MALRD1: variants seen among roughly 807,000 people sequenced by gnomAD.
The protein encoded by MALRD1 is MAM and LDL receptor class A domain containing 1.
MALRD1 carries 247 observed loss-of-function variants against 242.1 expected under a neutral mutation model. That is an observed-to-expected ratio of 1.02 (90% confidence interval 0.92 to 1.13). The LOEUF (loss-of-function observed/expected upper bound fraction) is 1.13, where lower values mean the gene tolerates loss of function less well. MALRD1 is among the 50% of genes most tolerant of loss of function. The pLI is 0.00. For synonymous variants in MALRD1, 995 were observed against 866.6 expected (o/e 1.15, Z -2.60); for missense variants, 2,989 against 2,533.1 (o/e 1.18, Z -3.86).
At chr10:19,412,461 G>C (rs1833314499) in intron 28 of MALRD1, among the ~76,000 whole-genome samples, 1 of 152,178 alleles carries the variant, frequency 6.6e-6, no homozygotes, top group African/African-American at 2.4e-5. Flanking sequence ...ATCTTGTATG[G>C]GGGCTGAAAC....
intron 29 of MALRD1, among the ~76,000 whole-genome samples, chr10:19,455,839 G>C (rs968700960): frequency 1.3e-5 from 2 of 152,192 alleles, no homozygotes; most frequent in Non-Finnish European, 2.9e-5. Context: ...GCTGAAATGT[G>C]TGCATTCCAG....
chr10:19,697,721 A>T (rs1164864611), intron 38 of MALRD1, among the ~76,000 whole-genome samples: 1 of 151,646 alleles, frequency 6.6e-6, no homozygotes, highest in Non-Finnish European at 1.5e-5. Flanking sequence ...CAGCAGAGCC[A>T]CCTCTCTTGC....
chr10:19,455,387 T>C (rs1564357618), intron 29 of MALRD1, among the ~76,000 whole-genome samples: 1 of 152,230 alleles, frequency 6.6e-6, no homozygotes, highest in African/African-American at 2.4e-5. Flanking sequence ...CTATTAATAC[T>C]AAATAGTATT....
chr10:19,549,359 T>A (rs1332120036), intron 32 of MALRD1, among the ~76,000 whole-genome samples: 1 of 152,228 alleles, frequency 6.6e-6, no homozygotes, highest in African/African-American at 2.4e-5. Flanking sequence ...TCAAATAGCA[T>A]CATTTGCTAC....
intron 36 of MALRD1, among the ~76,000 whole-genome samples, chr10:19,632,284 A>G (rs73595883): frequency 2.0e-3 from 300 of 152,286 alleles, no homozygotes; most frequent in African/African-American, 7.0e-3. Flanking sequence ...GCAAGCAGGC[A>G]AAATGTATTC....
chr10:19,407,340 G>C (rs772920731), intron 28 of MALRD1, among the ~76,000 whole-genome samples: 16 of 152,078 alleles, frequency 1.1e-4, no homozygotes, highest in Non-Finnish European at 2.2e-4. Flanking sequence ...TCAATAGCCA[G>C]ATGTGGTGGT....
intron 26 of MALRD1, among the ~76,000 whole-genome samples, chr10:19,358,194 A>ATGTGTGTGTG (rs1564591535): frequency 9.2e-6 from 1 of 109,052 alleles, no homozygotes; most frequent in African/African-American, 3.9e-5. Context: ...GGCAGGAGTC[A>ATGTGTGTGTG]AGTGTGTGTG....
chr10:19,377,591 C>G (rs4565796), intron 26 of MALRD1, among the ~76,000 whole-genome samples: 2,658 of 151,838 alleles, frequency 0.018, 78 homozygotes, highest in African/African-American at 0.061. Context: ...ACATAAAATT[C>G]TTATAAGCAT....
chr10:19,132,870 A>T (rs765478852), intron 8 of MALRD1, among the ~76,000 whole-genome samples: 2 of 152,206 alleles, frequency 1.3e-5, no homozygotes, highest in Non-Finnish European at 2.9e-5. Flanking sequence ...AAGCATCAAC[A>T]TAAATCATAA....
chr10:19,525,638 A>G (rs1344216080), intron 31 of MALRD1, among the ~76,000 whole-genome samples: 1 of 152,188 alleles, frequency 6.6e-6, no homozygotes, highest in African/African-American at 2.4e-5. Context: ...AAAATGTAAA[A>G]TCTGTGCCCC....
intron 29 of MALRD1, chr10:19,489,369 A>G (rs1481082983): frequency 3.7e-6 from 2 of 544,928 alleles, no homozygotes; most frequent in African/African-American, 3.8e-5. Context: ...CCAGCCTCTG[A>G]TGAAGCAGGA....
At chr10:19,433,871 AACACAC>A (rs144149293) in intron 28 of MALRD1, among the ~76,000 whole-genome samples, 2 of 150,364 alleles carry the variant, frequency 1.3e-5, no homozygotes, top group Admixed American at 6.6e-5. Flanking sequence ...TTATATGGCA[AACACAC>A]ACACACACAC....
chr10:19,692,263 T>A lies in MALRD1; in HGVS notation c.6138-19T>A. On this transcript the variant is annotated intron_variant, in intron 36 of 39. Coordinates refer to ENST00000454679, the MANE Select transcript of MALRD1 (RefSeq NM_001142308.3). ...TCACTTTTCTTTTTTCCAACTATTTTATTTTATCTCCTTTCCAGATGTAGA... is the reference window on the plus strand; with the variant it reads ...TCACTTTTCTTTTTTCCAACTATTTAATTTTATCTCCTTTCCAGATGTAGA... 6.6e-7 allele frequency: 1 copy of A among 1,520,356 alleles called. No homozygotes were observed. The highest frequency in any genetic ancestry group is 1.2e-5 in the South Asian group (1 of 81,916). The allele number at this position is 1,520,356 out of a possible 1,614,324, so 94.2% of individuals were successfully genotyped here.
At chr10:19,461,264 G>T (rs1302034349) in intron 29 of MALRD1, among the ~76,000 whole-genome samples, 1 of 152,176 alleles carries the variant, frequency 6.6e-6, no homozygotes, top group African/African-American at 2.4e-5. Flanking sequence ...TGTCTGGAAA[G>T]TTGTCTCAGA....
At chr10:19,380,426 ATTCCCC>A (rs1336234214) in intron 26 of MALRD1, among the ~76,000 whole-genome samples, 3 of 151,684 alleles carry the variant, frequency 2.0e-5, no homozygotes, top group African/African-American at 7.3e-5. Flanking sequence ...TGTATGAATT[ATTCCCC>A]TCAGCTGTTC....
chr10:19,660,982 A>T (rs1310932844), intron 36 of MALRD1, among the ~76,000 whole-genome samples: 1 of 152,198 alleles, frequency 6.6e-6, no homozygotes, highest in African/African-American at 2.4e-5. Flanking sequence ...AAGGATATGA[A>T]CAGACACTTC....
At chr10:19,703,544 T>A (rs543623624) in intron 38 of MALRD1, among the ~76,000 whole-genome samples, 2 of 152,304 alleles carry the variant, frequency 1.3e-5, no homozygotes, top group Non-Finnish European at 2.9e-5. Context: ...CTTCAAGAGT[T>A]CATAGTAAAA....
intron 21 of MALRD1, among the ~76,000 whole-genome samples, chr10:19,284,134 T>G (rs965735356): frequency 1.3e-5 from 2 of 152,226 alleles, no homozygotes; most frequent in Admixed American, 1.3e-4. Flanking sequence ...ATAACAAATG[T>G]AATATTTTTC....
At chr10:19,590,292 T>G (rs906742009) in intron 33 of MALRD1, among the ~76,000 whole-genome samples, 1 of 148,132 alleles carries the variant, frequency 6.8e-6, no homozygotes, top group Non-Finnish European at 1.5e-5. Flanking sequence ...TATATACATG[T>G]ATATATTATA....
Sources: allele counts gnomAD v4.1 joint callset (sites outside exome capture counted in the v4.1 genomes callset), GRCh38; gene constraint gnomAD v4.1.1; transcripts MANE v1.5; gene names NCBI Gene and HGNC (gene_info 2026-07-23, HGNC 2026-07-21).